Variants in MBOAT1 observed in about 807,000 individuals in gnomAD.
MBOAT1 encodes the protein membrane-bound glycerophospholipid O-acyltransferase 1.
Under a neutral mutation model 64.4 loss-of-function variants are expected in MBOAT1, and 67 were observed. The observed-to-expected ratio is 1.04, with a 90% CI of 0.85 to 1.27. MBOAT1 has a LOEUF of 1.27. Among genes scored for constraint, MBOAT1 ranks in the 50% most tolerant of loss-of-function variants. The pLI is 0.00. For missense variants in MBOAT1, 563 were observed against 604.6 expected (o/e 0.93, Z 0.72); for synonymous variants, 229 against 218.9 (o/e 1.05, Z -0.41).
chr6:20,139,141 T>G (rs1308573521), intron 4 of MBOAT1, among the ~76,000 whole-genome samples: 1 of 152,178 alleles, frequency 6.6e-6, no homozygotes, highest in East Asian at 1.9e-4. Context: ...GTTTGTTTGT[T>G]TTGAGACCAA....
chr6:20,120,199 A>G (rs951712241), intron 8 of MBOAT1, among the ~76,000 whole-genome samples: 4 of 152,160 alleles, frequency 2.6e-5, no homozygotes, highest in Non-Finnish European at 5.9e-5. Flanking sequence ...GAGAAGAATC[A>G]TCTAACGTCT....
At chr6:20,203,080 G>T (rs62397948) in intron 1 of MBOAT1, among the ~76,000 whole-genome samples, 5,091 of 152,286 alleles carry the variant, frequency 0.033, 105 homozygotes, top group Non-Finnish European at 0.053. Context: ...AAGGCAGGAG[G>T]ATCACTTAAG....
chr6:20,151,179 T>A lies in MBOAT1; in HGVS notation c.323+6A>T, dbSNP rs767542711. 3.8e-6 allele frequency: 6 copies of A among 1,594,210 alleles called. No individual in the cohort carries two copies. In the South Asian group the frequency reaches 6.7e-5, roughly 18 times the overall value. On this transcript the variant is annotated splice_donor_region_variant and intron_variant, in intron 3 of 12. Transcript: ENST00000324607. Reference sequence around the variant, plus strand: ...CACCTTGCATTGTTCATTCCCAGTATCTTACCTGTGAATATTGGATACACT... The same window carrying A: ...CACCTTGCATTGTTCATTCCCAGTAACTTACCTGTGAATATTGGATACACT...
intron 1 of MBOAT1, among the ~76,000 whole-genome samples, chr6:20,186,082 T>C (rs929389850): frequency 1.3e-5 from 2 of 151,680 alleles, no homozygotes; most frequent in Admixed American, 1.3e-4. Context: ...ACTCGGGAGG[T>C]TGAGGCTGGA....
At chr6:20,122,833 A>G (rs1206451978) in intron 8 of MBOAT1, among the ~76,000 whole-genome samples, 1 of 152,074 alleles carries the variant, frequency 6.6e-6, no homozygotes, top group Admixed American at 6.6e-5. Flanking sequence ...CAATGAAAAA[A>G]AAATTATTTT....
chr6:20,195,889 C>T (rs1345532609), intron 1 of MBOAT1, among the ~76,000 whole-genome samples: 1 of 151,966 alleles, frequency 6.6e-6, no homozygotes, highest in African/African-American at 2.4e-5. Flanking sequence ...AGAGTTTGGG[C>T]AAAGGAGACA....
At chr6:20,201,645 A>G (rs1763126654) in intron 1 of MBOAT1, among the ~76,000 whole-genome samples, 1 of 149,542 alleles carries the variant, frequency 6.7e-6, no homozygotes, top group Non-Finnish European at 1.5e-5. Flanking sequence ...CAGTGGCGTG[A>G]TCTCAGCTCA....
chr6:20,183,533 C>T (rs1463360982), intron 1 of MBOAT1, among the ~76,000 whole-genome samples: 1 of 152,196 alleles, frequency 6.6e-6, no homozygotes, highest in Non-Finnish European at 1.5e-5. Context: ...GTATTTTCAT[C>T]CTGTTTATTA....
At chr6:20,115,034 G>C (rs1760279759) in intron 10 of MBOAT1, among the ~76,000 whole-genome samples, 1 of 152,158 alleles carries the variant, frequency 6.6e-6, no homozygotes. Flanking sequence ...AACATATCAT[G>C]AGATTGATGG....
At position 20,212,406 on chromosome 6, in the gene MBOAT1, CAA is replaced by C; in HGVS notation, c.-174_-173del. 1.6e-6 allele frequency: 1 copy of C among 626,950 alleles called. No homozygotes were observed. Among genetic ancestry groups the C allele is most frequent in the South Asian group, 2.0e-5 (1 of 51,212 alleles). The allele number at this position is 626,950 out of a possible 1,614,324, so 38.8% of individuals were successfully genotyped here. A position where few individuals can be genotyped will look rare whatever the true frequency, so the allele number is the denominator to read the frequency against. On this transcript the variant is annotated 5_prime_UTR_variant, in exon 1 of 13. Transcript: ENST00000324607. Reference sequence around the variant, plus strand: ...CGAACCGGCGCAAACTCTCGAGGCGCAAACTCTCGAGGCGCAAACTTGGCTTT... The same window carrying C: ...CGAACCGGCGCAAACTCTCGAGGCGCACTCTCGAGGCGCAAACTTGGCTTT...
chr6:20,175,131 A>G (rs1025849487), intron 1 of MBOAT1, among the ~76,000 whole-genome samples: 1 of 152,242 alleles, frequency 6.6e-6, no homozygotes, highest in Non-Finnish European at 1.5e-5. Flanking sequence ...CTGATCTCCT[A>G]TAAGATCCCA....
chr6:20,171,673 T>C (rs368497635), intron 1 of MBOAT1, among the ~76,000 whole-genome samples: 10 of 152,230 alleles, frequency 6.6e-5, no homozygotes, highest in African/African-American at 2.2e-4. Context: ...GAAAACATTA[T>C]AGCTAACTCC....
chr6:20,178,646 A>C (rs1762422456), intron 1 of MBOAT1, among the ~76,000 whole-genome samples: 1 of 152,168 alleles, frequency 6.6e-6, no homozygotes, highest in Non-Finnish European at 1.5e-5. Context: ...TTTTAAAATT[A>C]ATAGTTATTG....
chr6:20,199,163 C>G (rs867315288), intron 1 of MBOAT1, among the ~76,000 whole-genome samples: 1 of 152,212 alleles, frequency 6.6e-6, no homozygotes, highest in Non-Finnish European at 1.5e-5. Flanking sequence ...GCTGGAGTCT[C>G]ACAGCCTACT....
intron 8 of MBOAT1, among the ~76,000 whole-genome samples, chr6:20,120,902 TAAGTTCA>T (rs1319367523): frequency 8.1e-4 from 124 of 152,332 alleles, no homozygotes; most frequent in Non-Finnish European, 4.7e-4. Flanking sequence ...TAACAGGCTC[TAAGTTCA>T]CCAGTCCAAA....
chr6:20,171,942 AG>A lies in MBOAT1; in HGVS notation c.100-19174del, dbSNP rs1762209806. Among the ~76,000 whole-genome samples, 3 of 152,300 alleles carry A rather than the reference AG, an allele frequency of 2.0e-5. No homozygotes were observed. In the South Asian group the frequency reaches 6.2e-4, roughly 32 times the overall value. ...CAGCTACTTGGGAAGCTGAGGCAAG[AG>A]GATCACTTGAGCCTAGAAGTTCAAG... On this transcript the variant is annotated intron_variant, in intron 1 of 12. Transcript: ENST00000324607.
intron 4 of MBOAT1, among the ~76,000 whole-genome samples, chr6:20,141,059 G>C (rs558385958): frequency 6.6e-6 from 1 of 152,124 alleles, no homozygotes; most frequent in East Asian, 1.9e-4. Context: ...CAGGGAGTGG[G>C]GGGAGGGAGG....
intron 12 of MBOAT1, among the ~76,000 whole-genome samples, chr6:20,107,868 G>C (rs1760007100): frequency 6.6e-6 from 1 of 152,036 alleles, no homozygotes; most frequent in African/African-American, 2.4e-5. Flanking sequence ...GAGCTTTAAA[G>C]GAGACAATTT....
rs537375264 is a variant in MBOAT1, at chr6:20,101,854, G to T, written c.*432C>A. On this transcript the variant is annotated 3_prime_UTR_variant, in exon 13 of 13. Coordinates refer to ENST00000324607, the MANE Select transcript of MBOAT1 (RefSeq NM_001080480.3). ...CTCCCGGCCGGGCGCGGTGGCTCAC[G>T]CCTGTAATCCCAGCACTTTGGGAGG... Among the ~76,000 whole-genome samples the T allele has an allele frequency of 3.3e-5, 5 of 152,002 alleles. No homozygotes were observed. The highest frequency in any genetic ancestry group is 5.9e-5 in the Non-Finnish European group (4 of 67,996).
Sources: allele counts gnomAD v4.1 joint callset (sites outside exome capture counted in the v4.1 genomes callset), GRCh38; gene constraint gnomAD v4.1.1; transcripts MANE v1.5; gene names NCBI Gene and HGNC (gene_info 2026-07-23, HGNC 2026-07-21).